MCOLN2: variants seen among roughly 807,000 people sequenced by gnomAD.
MCOLN2 encodes the protein mucolipin-2.
In MCOLN2, 57 loss-of-function variants were observed where a neutral mutation model predicts 67.5. That is an observed-to-expected ratio of 0.84 (90% CI 0.68 to 1.05). The LOEUF is 1.05. Ranked by LOEUF, MCOLN2 falls within the 50% of genes least tolerant of loss-of-function variation. The pLI is 0.00. For synonymous variants in MCOLN2, 246 were observed against 233.3 expected, an observed-to-expected ratio of 1.05 and a Z score of -0.50; for missense variants, 620 against 678.8, an observed-to-expected ratio of 0.91 and a Z score of 0.96.
chr1:84,981,521 C>T (rs974342530), intron 1 of MCOLN2, among the ~76,000 whole-genome samples: 2 of 151,988 alleles, frequency 1.3e-5, no homozygotes, highest in Non-Finnish European at 2.9e-5. Context: ...ATGGAACTGG[C>T]GATCATTATG....
At chr1:84,952,167 G>A in intron 6 of MCOLN2, 76 bp downstream of exon 6, 1 of 903,208 alleles carries the variant, frequency 1.1e-6, no homozygotes, top group South Asian at 1.6e-5. Flanking sequence ...GTAGGCTGCT[G>A]TGTTTTATAC....
Position 84,931,343 on chromosome 1 carries a change from A to C in MCOLN2, c.1542+19T>G. Reference sequence around the variant, plus strand: ...AATTTGCAGTGATTTTTTGGCAGCAAATTTTGATAATTACTTACCTTAATG... The same window carrying C: ...AATTTGCAGTGATTTTTTGGCAGCACATTTTGATAATTACTTACCTTAATG... On this transcript the variant is annotated intron_variant, in intron 12 of 13. Transcript: ENST00000370608. The C allele has an allele frequency of 7.0e-7, 1 of 1,431,198 alleles. No individual in the cohort carries two copies. Among genetic ancestry groups the C allele is most frequent in the Non-Finnish European group, 9.8e-7 (1 of 1,023,202 alleles). The allele number at this position is 1,431,198 out of a possible 1,614,324, so 88.7% of individuals were successfully genotyped here. A position where few individuals can be genotyped will look rare whatever the true frequency, so the allele number is the denominator to read the frequency against.
chr1:84,958,957 TTAAG>T (rs1648939553), intron 2 of MCOLN2, among the ~76,000 whole-genome samples: 1 of 152,168 alleles, frequency 6.6e-6, no homozygotes, highest in African/African-American at 2.4e-5. Flanking sequence ...CTACTGGCCT[TTAAG>T]AAAGAAAGAA....
At chr1:84,933,901 C>T (rs1204304565) in intron 11 of MCOLN2, among the ~76,000 whole-genome samples, 5 of 152,158 alleles carry the variant, frequency 3.3e-5, no homozygotes, top group African/African-American at 1.2e-4. Context: ...TTTTAACACA[C>T]CAAAGAGTTA....
chr1:84,987,499 C>T (rs796905615), intron 1 of MCOLN2, among the ~76,000 whole-genome samples: 460 of 38,702 alleles, frequency 0.012, 32 homozygotes, highest in Middle Eastern at 0.036. Flanking sequence ...CATATGTATA[C>T]ATAGATGTAT....
chr1:84,956,250 G>A (rs966035822), intron 4 of MCOLN2, among the ~76,000 whole-genome samples, 181 bp downstream of exon 4: 7 of 151,882 alleles, frequency 4.6e-5, no homozygotes, highest in African/African-American at 7.3e-5. Context: ...CTGTCCCATC[G>A]CCACAACCCC....
intron 8 of MCOLN2, 23 bp from the exon 9 acceptor site, chr1:84,939,725 C>T (rs754517466): frequency 9.9e-6 from 16 of 1,612,962 alleles, no homozygotes; most frequent in South Asian, 3.3e-5. Flanking sequence ...TTTAAAGAAG[C>T]GTTTCTTACA....
intron 2 of MCOLN2, among the ~76,000 whole-genome samples, chr1:84,959,747 T>C (rs1364852881): frequency 6.6e-6 from 1 of 152,220 alleles, no homozygotes; most frequent in Non-Finnish European, 1.5e-5. Context: ...CTCACTCAAC[T>C]AAGCCACCAA....
chr1:84,977,923 T>C (rs1318255030), intron 1 of MCOLN2, among the ~76,000 whole-genome samples: 4 of 152,192 alleles, frequency 2.6e-5, no homozygotes, highest in Admixed American at 6.5e-5. Flanking sequence ...CTTCATCCAA[T>C]GGCTACAGAA....
rs773453142 is a variant in MCOLN2 at position 84,937,022 on chromosome 1, G to A, written c.1335+733C>T. Reference sequence around the variant, plus strand: ...AGCTGCTGCTATTTTTGTTGTTTCTGTTGTTCCAACTGCCACAGGCCCAAA... The same window carrying A: ...AGCTGCTGCTATTTTTGTTGTTTCTATTGTTCCAACTGCCACAGGCCCAAA... On this transcript the variant is annotated intron_variant, in intron 11 of 13. Transcript: ENST00000370608. 2.6e-5 allele frequency among the ~76,000 whole-genome samples: 4 copies of A among 152,140 alleles called. No homozygotes were observed. In the South Asian group the frequency reaches 8.3e-4, roughly 32 times the overall value.
chr1:84,993,472 T>C (rs1041010490), intron 1 of MCOLN2, among the ~76,000 whole-genome samples: 2 of 152,250 alleles, frequency 1.3e-5, no homozygotes, highest in African/African-American at 4.8e-5. Context: ...GTTAATATTT[T>C]GACCTATTCC....
chr1:84,942,960 C>T (rs1219356555), intron 7 of MCOLN2, among the ~76,000 whole-genome samples: 3 of 152,110 alleles, frequency 2.0e-5, no homozygotes, highest in African/African-American at 7.2e-5. Flanking sequence ...TCTCAGTTTC[C>T]AGAACTGAAA....
At chr1:84,946,950 A>C (rs541283876) in intron 7 of MCOLN2, 83 bp downstream of exon 7, 6 of 703,228 alleles carry the variant, frequency 8.5e-6, no homozygotes, top group African/African-American at 7.1e-5. Flanking sequence ...TCATGCAAAC[A>C]AACCATTTAA....
At chr1:84,992,901 C>A (rs1005762084) in intron 1 of MCOLN2, among the ~76,000 whole-genome samples, 1 of 152,098 alleles carries the variant, frequency 6.6e-6, no homozygotes, top group Non-Finnish European at 1.5e-5. Flanking sequence ...TTGCTGAAGG[C>A]TGGGGTGGTT....
At chr1:84,991,844 G>C (rs1650902697) in intron 1 of MCOLN2, among the ~76,000 whole-genome samples, 1 of 152,142 alleles carries the variant, frequency 6.6e-6, no homozygotes, top group Non-Finnish European at 1.5e-5. Context: ...CTGAGGAAGA[G>C]ATAAAGAAAG....
intron 1 of MCOLN2, among the ~76,000 whole-genome samples, chr1:84,987,447 C>CATATATGTATATATAGAT (rs1557665395): frequency 8.8e-6 from 1 of 113,118 alleles, no homozygotes; most frequent in African/African-American, 4.0e-5. Flanking sequence ...TAGATATATA[C>CATATATGTATATATAGAT]ATATATACAT....
intron 2 of MCOLN2, among the ~76,000 whole-genome samples, chr1:84,962,940 A>G (rs984831671): frequency 1.3e-5 from 2 of 152,242 alleles, no homozygotes; most frequent in African/African-American, 4.8e-5. Flanking sequence ...CATCGAATGT[A>G]TATGGATAAG....
chr1:84,957,468 A>C (rs1648855564), intron 3 of MCOLN2, among the ~76,000 whole-genome samples: 1 of 152,218 alleles, frequency 6.6e-6, no homozygotes, highest in South Asian at 2.1e-4. Context: ...CATCCAAAAA[A>C]TTCATTGAAA....
Position 84,996,788 on chromosome 1 carries a change from C to T in MCOLN2, c.77+8G>A, listed in dbSNP as rs772747786. The T allele has an allele frequency of 1.2e-6, 2 of 1,613,144 alleles. No individual in the cohort carries two copies. The highest frequency in any genetic ancestry group is 4.5e-5 in the East Asian group (2 of 44,900). ...AGCATCCTGAAAGATGAAGCCCAGA[C>T]TCCTCACCTGACGGTTAACCTGAAA... On this transcript the variant is annotated splice_region_variant and intron_variant, in intron 1 of 13. Transcript: ENST00000370608.
Sources: allele counts gnomAD v4.1 joint callset (sites outside exome capture counted in the v4.1 genomes callset), GRCh38; gene constraint gnomAD v4.1.1; transcripts MANE v1.5; gene names NCBI Gene and HGNC (gene_info 2026-07-23, HGNC 2026-07-21).